SCUBE2: variants seen among roughly 807,000 people sequenced by gnomAD.
The protein encoded by SCUBE2 is signal peptide, CUB and EGF-like domain-containing protein 2.
In SCUBE2, 114 loss-of-function variants were observed where a neutral mutation model predicts 125.9. The observed-to-expected ratio is 0.91, with a 90% CI of 0.78 to 1.06. SCUBE2 has a LOEUF of 1.06. SCUBE2 is among the 50% of genes least tolerant of loss of function. SCUBE2 has a pLI of 0.00. For missense variants in SCUBE2, 1,255 were observed against 1,301.8 expected, an observed-to-expected ratio of 0.96 and a Z score of 0.55; for synonymous variants, 459 against 492.9, an observed-to-expected ratio of 0.93 and a Z score of 0.91.
At chr11:9,047,250 A>C (rs1032352309) in intron 16 of SCUBE2, 106 bp downstream of exon 16, 21 of 1,149,350 alleles carry the variant, frequency 1.8e-5, no homozygotes, top group African/African-American at 1.2e-4. Flanking sequence ...GTGTTCTCTA[A>C]AGTGAGCCCT....
chr11:9,062,703 C>T (rs1859798823), intron 7 of SCUBE2, among the ~76,000 whole-genome samples: 1 of 151,504 alleles, frequency 6.6e-6, no homozygotes. Flanking sequence ...AACCAAAGGC[C>T]AAAGTAAAAT....
At chr11:9,048,159 T>A in intron 14 of SCUBE2, 61 bp from the exon 15 acceptor site, 1 of 1,522,526 alleles carries the variant, frequency 6.6e-7, no homozygotes, top group South Asian at 1.2e-5. Context: ...GCTGAACATT[T>A]GCTAGAGCTC....
At chr11:9,045,068 T>C (rs563374373) in intron 16 of SCUBE2, among the ~76,000 whole-genome samples, 1 of 152,362 alleles carries the variant, frequency 6.6e-6, no homozygotes, top group Admixed American at 6.5e-5. Context: ...GTCTACCTTC[T>C]TCCTCTAAAA....
At chr11:9,088,901 T>A (rs1456179409) in intron 2 of SCUBE2, among the ~76,000 whole-genome samples, 1 of 152,146 alleles carries the variant, frequency 6.6e-6, no homozygotes, top group Admixed American at 6.5e-5. Context: ...TGCAGGCAAC[T>A]TGTGTGATCA....
At position 9,079,570 on chromosome 11, in the gene SCUBE2, C is replaced by T. The variant is rs368407519; in HGVS notation, c.257-61G>A. 33 of 1,545,320 alleles carry T rather than the reference C, an allele frequency of 2.1e-5. No homozygotes were observed. The African/African-American group carries it at 3.9e-4, about 18-fold the overall frequency. On this transcript the variant is annotated intron_variant, in intron 2 of 22. Transcript: ENST00000649792. ...TATTTCTTTGATGTGAAAACATATG[C>T]ACTTACCTCCAGCCATTCCACTTCT...
At chr11:9,059,905 G>A (rs891646012) in intron 8 of SCUBE2, among the ~76,000 whole-genome samples, 1 of 152,144 alleles carries the variant, frequency 6.6e-6, no homozygotes, top group Non-Finnish European at 1.5e-5. Flanking sequence ...TCTGGCAATT[G>A]GTTATCTACT....
intron 7 of SCUBE2, among the ~76,000 whole-genome samples, chr11:9,063,933 GCAAA>G (rs759271833): frequency 7.2e-4 from 110 of 152,322 alleles, no homozygotes; most frequent in Admixed American, 1.5e-3. Context: ...AGAAAACTAA[GCAAA>G]CAAAGAAAAT....
intron 16 of SCUBE2, among the ~76,000 whole-genome samples, chr11:9,036,104 G>T (rs1252120405): frequency 6.6e-6 from 1 of 152,160 alleles, no homozygotes; most frequent in East Asian, 1.9e-4. Flanking sequence ...CAGCCTGGCT[G>T]GTCTCGAACT....
intron 5 of SCUBE2, among the ~76,000 whole-genome samples, chr11:9,067,642 T>C (rs1429231221): frequency 6.6e-6 from 1 of 152,248 alleles, no homozygotes; most frequent in Non-Finnish European, 1.5e-5. Flanking sequence ...CAGCTGGTTA[T>C]GTGGTGAGAT....
chr11:9,047,610 C>T lies in SCUBE2; in HGVS notation c.1796-48G>A, dbSNP rs1209196943. 1.3e-5 allele frequency: 21 copies of T among 1,572,910 alleles called. 1 individual carries two copies. Among genetic ancestry groups the T allele is most frequent in the South Asian group, 7.9e-5 (7 of 88,500 alleles). On this transcript the variant is annotated intron_variant, in intron 15 of 22. Transcript: ENST00000649792. ...AGTGCGGGAGGAGATCAGGCTGCAG[C>T]GTGTGACAATGGCCAGATCAACTGC...
chr11:9,077,993 G>A (rs967408988), intron 3 of SCUBE2, among the ~76,000 whole-genome samples: 2 of 152,176 alleles, frequency 1.3e-5, no homozygotes, highest in African/African-American at 2.4e-5. Context: ...CCGGGCTGTG[G>A]ATTACAGCAC....
chr11:9,053,990 C>CTTTTTTTTTTTTTTTTTTTTTTTTTTTT (rs11474890), intron 10 of SCUBE2, among the ~76,000 whole-genome samples: 1 of 75,064 alleles, frequency 1.3e-5, no homozygotes. Flanking sequence ...AAGCTCCACT[C>CTTTTTTTTTTTTTTTTTTTTTTTTTTTT]TTTTTTTTTT....
intron 2 of SCUBE2, among the ~76,000 whole-genome samples, chr11:9,086,274 G>T (rs1393210446): frequency 1.3e-5 from 2 of 152,108 alleles, no homozygotes; most frequent in African/African-American, 4.8e-5. Flanking sequence ...CAACATTTTG[G>T]CAGAAGAAAA....
chr11:9,065,924 C>T lies in SCUBE2; in HGVS notation c.817G>A (p.Gly273Arg). ...TESNTTSVVD[G>R]DKRVKRRLLM... ...AGCCGCCGTTTCACCCGTTTATCCC[C>T]ATCCACCACTGATGTGGTGTTGCTC... Residue 273 changes from glycine (G) to arginine (R), a missense_variant, in exon 7 of 23, where the codon GGG (glycine) becomes AGG (arginine). Transcript: ENST00000649792. The T allele has an allele frequency of 6.2e-7, 1 of 1,614,208 alleles. No individual in the cohort carries two copies. The highest frequency in any genetic ancestry group is 8.5e-7 in the Non-Finnish European group (1 of 1,180,038).
In SCUBE2 at chr11:9,087,093, T is replaced by TTA. The variant is rs138320213; in HGVS notation, c.256+2612_256+2613dup. 4.5e-3 allele frequency among the ~76,000 whole-genome samples: 675 copies of TTA among 151,600 alleles called. 3 individuals carry two copies. The highest frequency in any genetic ancestry group is 0.015 in the African/African-American group (640 of 41,386). The stretch of plus-strand genomic sequence containing the variant: ...AATCACATATCATTTTAAAATAAAT[T>TTA]TATATATATATATGGCACAATGCCA... On this transcript the variant is annotated intron_variant, in intron 2 of 22. Coordinates refer to ENST00000649792, the MANE Select transcript of SCUBE2 (RefSeq NM_001367977.2).
At chr11:9,071,930 G>T (rs1307922493) in intron 4 of SCUBE2, among the ~76,000 whole-genome samples, 1 of 151,948 alleles carries the variant, frequency 6.6e-6, no homozygotes, top group Non-Finnish European at 1.5e-5. Context: ...GCGGGCCGGG[G>T]GTGATGTGCT....
Position 9,091,257 on chromosome 11 carries a change from G to A in SCUBE2, c.133+139C>T, listed in dbSNP as rs562943474. On this transcript the variant is annotated intron_variant, in intron 1 of 22. Transcript: ENST00000649792. The surrounding 1 kb of genome is among the most constrained non-coding windows in gnomAD (Gnocchi z 8.5). ...GGCCCGGCCGGCGGGTGAGGTCCCG[G>A]GGGGAGCAGAGGCCCCCGCGGAGCT... 136 of 541,040 alleles carry A rather than the reference G, an allele frequency of 2.5e-4. No homozygotes were observed. The highest frequency in any genetic ancestry group is 2.4e-3 in the African/African-American group (122 of 50,086). 33.5% of individuals were successfully genotyped at this position (541,040 alleles called of 1,614,324 possible).
At chr11:9,079,911 C>T (rs1413994307) in intron 2 of SCUBE2, among the ~76,000 whole-genome samples, 2 of 152,106 alleles carry the variant, frequency 1.3e-5, no homozygotes, top group East Asian at 1.9e-4. Context: ...GATATAAAAA[C>T]ACACACAAAA....
At chr11:9,070,937 G>A (rs747313386) in intron 4 of SCUBE2, among the ~76,000 whole-genome samples, 1 of 152,194 alleles carries the variant, frequency 6.6e-6, no homozygotes, top group Non-Finnish European at 1.5e-5. Flanking sequence ...ATTCATCCAT[G>A]CCAAGGGTGG....
Sources: gnomAD v4.1 joint callset for allele counts (sites outside exome capture counted in the v4.1 genomes callset) on GRCh38, gnomAD v4.1.1 for gene constraint, Gnocchi (gnomAD v3.1) non-coding constraint, MANE v1.5 for transcripts, NCBI Gene and HGNC (gene_info 2026-07-23, HGNC 2026-07-21) for gene names.